Variants in SHISA9 observed in about 807,000 individuals in gnomAD.
SHISA9 encodes protein shisa-9.
Under a neutral mutation model 38.0 loss-of-function variants are expected in SHISA9, and 13 were observed. That is an observed-to-expected ratio of 0.34 (90% CI 0.22 to 0.54). The LOEUF is 0.54. Ranked by LOEUF, SHISA9 falls within the 20% of genes least tolerant of loss-of-function variation. The probability of loss-of-function intolerance (pLI) is 0.91; values close to 1 mark genes in which losing one functional copy is unlikely to be tolerated. For synonymous variants in SHISA9, 275 were observed against 242.0 expected (o/e 1.14, Z -1.27); for missense variants, 538 against 575.8 (o/e 0.93, Z 0.67).
chr16:13,373,889 C>T, the SHISA9 span, among the ~76,000 whole-genome samples: 16 of 152,102 alleles, frequency 1.1e-4, no homozygotes, highest in African/African-American at 1.9e-4. Flanking sequence ...TCTCATAACA[C>T]GTTCATATGG....
At chr16:13,367,813 C>T in the SHISA9 span, among the ~76,000 whole-genome samples, 3 of 151,924 alleles carry the variant, frequency 2.0e-5, no homozygotes, top group East Asian at 1.9e-4. Flanking sequence ...GGGCATTCCA[C>T]AGTCTTCCAG....
At chr16:13,180,379 C>T (rs377547828) in intron 2 of SHISA9, among the ~76,000 whole-genome samples, 1 of 152,190 alleles carries the variant, frequency 6.6e-6, no homozygotes, top group African/African-American at 2.4e-5. Flanking sequence ...CTGTCCATGG[C>T]TGACCTTGGT....
At chr16:13,299,384 G>C in the SHISA9 span, among the ~76,000 whole-genome samples, 1 of 152,114 alleles carries the variant, frequency 6.6e-6, no homozygotes, top group African/African-American at 2.4e-5. Context: ...GAAACGTTAT[G>C]TAACTTGCTT....
the SHISA9 span, among the ~76,000 whole-genome samples, chr16:13,485,821 C>A: frequency 1.3e-5 from 2 of 152,158 alleles, no homozygotes; most frequent in African/African-American, 4.8e-5. Context: ...CTCTGGTAAC[C>A]AGCATTCTAC....
intron 2 of SHISA9, among the ~76,000 whole-genome samples, chr16:13,093,016 C>G (rs1344598817): frequency 6.6e-6 from 1 of 152,180 alleles, no homozygotes; most frequent in Non-Finnish European, 1.5e-5. Context: ...TGATATGAAC[C>G]TAACACTTTT....
At chr16:13,263,304 T>C in the SHISA9 span, among the ~76,000 whole-genome samples, 8 of 152,286 alleles carry the variant, frequency 5.3e-5, no homozygotes, top group South Asian at 6.2e-4. Flanking sequence ...CCAAATCTCA[T>C]GTTCAATTGT....
chr16:12,910,459 A>G (rs2071167444), intron 1 of SHISA9: 1 of 985,312 alleles, frequency 1.0e-6, no homozygotes, highest in Non-Finnish European at 1.2e-6. Flanking sequence ...GACAGGTAAC[A>G]CACAAGGAAA....
At chr16:13,161,517 T>G (rs2050594988) in intron 2 of SHISA9, among the ~76,000 whole-genome samples, 1 of 152,178 alleles carries the variant, frequency 6.6e-6, no homozygotes, top group South Asian at 2.1e-4. Flanking sequence ...AAACCCTGGC[T>G]GTCCCCCTAC....
chr16:13,305,444 A>G, the SHISA9 span, among the ~76,000 whole-genome samples: 2 of 152,140 alleles, frequency 1.3e-5, no homozygotes, highest in Non-Finnish European at 2.9e-5. Flanking sequence ...ATGCAGGAAA[A>G]CTGATGGAAT....
the SHISA9 span, among the ~76,000 whole-genome samples, chr16:13,481,082 C>T: frequency 5.3e-5 from 8 of 152,192 alleles, no homozygotes; most frequent in African/African-American, 1.9e-4. Context: ...TGGAAAGACA[C>T]CAGAGTTGGG....
At chr16:13,151,060 T>A (rs1475424420) in intron 2 of SHISA9, among the ~76,000 whole-genome samples, 1 of 152,114 alleles carries the variant, frequency 6.6e-6, no homozygotes, top group Non-Finnish European at 1.5e-5. Context: ...TAGCATGAGG[T>A]GGGAGCTCAA....
chr16:13,437,149 C>G, the SHISA9 span, among the ~76,000 whole-genome samples: 1 of 151,966 alleles, frequency 6.6e-6, no homozygotes, highest in African/African-American at 2.4e-5. Context: ...CAAACCACAT[C>G]GTTCCAGAAA....
At chr16:12,974,956 G>T (rs2072136978) in intron 2 of SHISA9, among the ~76,000 whole-genome samples, 1 of 152,052 alleles carries the variant, frequency 6.6e-6, no homozygotes, top group Non-Finnish European at 1.5e-5. Context: ...TTTCAGGGTT[G>T]CTATGGAGCC....
the SHISA9 span, among the ~76,000 whole-genome samples, chr16:13,519,993 C>G: frequency 2.1e-3 from 315 of 152,240 alleles, 1 homozygote; most frequent in African/African-American, 7.3e-3. Context: ...AAACAGTAAG[C>G]TCTCTTGTCT....
At chr16:13,255,998 C>A in the SHISA9 span, among the ~76,000 whole-genome samples, 2 of 152,184 alleles carry the variant, frequency 1.3e-5, no homozygotes, top group Admixed American at 6.5e-5. Flanking sequence ...CCTCACCTGT[C>A]CTGCAACCTC....
At chr16:13,506,363 A>C in the SHISA9 span, among the ~76,000 whole-genome samples, 1 of 152,186 alleles carries the variant, frequency 6.6e-6, no homozygotes, top group Non-Finnish European at 1.5e-5. Flanking sequence ...GGTGTGTGGG[A>C]GGTGAGGACA....
chr16:13,335,823 C>A, the SHISA9 span, among the ~76,000 whole-genome samples: 21 of 152,134 alleles, frequency 1.4e-4, no homozygotes, highest in African/African-American at 4.8e-4. Flanking sequence ...AGGACCTGGG[C>A]AGGACTATCT....
At chr16:12,911,331 C>G (rs1272730459) in intron 1 of SHISA9, 1 of 985,408 alleles carries the variant, frequency 1.0e-6, no homozygotes, top group East Asian at 1.1e-4. Context: ...TGGCTTGGAG[C>G]ACATAGTTGG....
chr16:13,449,007 G>T, the SHISA9 span, among the ~76,000 whole-genome samples: 1 of 152,130 alleles, frequency 6.6e-6, no homozygotes, highest in Non-Finnish European at 1.5e-5. Flanking sequence ...TTATGAAAAA[G>T]GTGGTCATTA....
Sources: gnomAD v4.1 joint callset for allele counts (sites outside exome capture counted in the v4.1 genomes callset) on GRCh38, gnomAD v4.1.1 for gene constraint, MANE v1.5 for transcripts, NCBI Gene and HGNC (gene_info 2026-07-23, HGNC 2026-07-21) for gene names.